Variants in DOCK2 observed in about 807,000 individuals in gnomAD.
The protein encoded by DOCK2 is dedicator of cytokinesis protein 2.
DOCK2 carries 87 observed loss-of-function variants against 248.9 expected under a neutral mutation model. That is an observed-to-expected ratio of 0.35 (90% CI 0.29 to 0.42). The LOEUF (loss-of-function observed/expected upper bound fraction) is 0.42, where lower values mean the gene tolerates loss of function less well. Ranked by LOEUF, DOCK2 falls within the 10% of genes least tolerant of loss-of-function variation. The pLI, the probability that DOCK2 is intolerant of heterozygous loss-of-function variation, is 1.00. For synonymous variants in DOCK2, 805 were observed against 821.6 expected, an observed-to-expected ratio of 0.98 and a Z score of 0.35; for missense variants, 1,747 against 2,300.2, an observed-to-expected ratio of 0.76 and a Z score of 4.92.
At chr5:169,781,172 T>C (rs2113802844) in intron 25 of DOCK2, among the ~76,000 whole-genome samples, 1 of 152,280 alleles carries the variant, frequency 6.6e-6, no homozygotes, top group South Asian at 2.1e-4. Flanking sequence ...GATGCACATG[T>C]CTTTGGAATG....
At chr5:169,931,391 G>C (rs138988040) in intron 27 of DOCK2, among the ~76,000 whole-genome samples, 1 of 152,278 alleles carries the variant, frequency 6.6e-6, no homozygotes, top group East Asian at 1.9e-4. Context: ...CCGCCTCTCG[G>C]CAATTGAACA....
chr5:169,983,008 A>C, intron 27 of DOCK2, 60 bp from the exon 28 acceptor site: 1 of 1,550,038 alleles, frequency 6.5e-7, no homozygotes, highest in South Asian at 1.1e-5. Flanking sequence ...ATTTTCTCAC[A>C]GGGAAGTTTT....
intron 26 of DOCK2, among the ~76,000 whole-genome samples, chr5:169,807,668 T>TA (rs1365180627): frequency 4.0e-5 from 6 of 151,196 alleles, no homozygotes; most frequent in Non-Finnish European, 8.9e-5. Context: ...CCGTCTCTAC[T>TA]AAAAAAATAC....
At position 169,747,495 on chromosome 5, in the gene DOCK2, C is replaced by A. The variant is rs1763676612; in HGVS notation, c.2367C>A (p.Ile789=). The change falls in exon 23 of 52, where the codon ATC becomes ATA. Residue 789 remains isoleucine, a synonymous_variant. Transcript: ENST00000520908. The stretch of plus-strand genomic sequence containing the variant: ...TGAAAAGTCAATACAAAACTACCAT[C>A]CTTTTGCAGGTTGGTTTATGCTACA... ...NLMKSQYKTT[I]LLQVAALKYI... is the part of the protein sequence containing the mutation. 3 of 1,612,784 alleles carry A rather than the reference C, an allele frequency of 1.9e-6. No homozygotes were observed. Among genetic ancestry groups the A allele is most frequent in the Non-Finnish European group, 2.5e-6 (3 of 1,179,490 alleles).
At chr5:169,898,461 A>G (rs1194125518) in intron 27 of DOCK2, among the ~76,000 whole-genome samples, 1 of 152,098 alleles carries the variant, frequency 6.6e-6, no homozygotes, top group Non-Finnish European at 1.5e-5. Flanking sequence ...CAACTCTTTG[A>G]GCCTCAGTTT....
At chr5:169,883,730 G>C in intron 27 of DOCK2, 1 of 1,551,582 alleles carries the variant, frequency 6.4e-7, no homozygotes, top group Non-Finnish European at 8.7e-7. Context: ...TCTGGAGTTT[G>C]GACGTCAACC....
chr5:169,637,296 C>G lies in DOCK2; in HGVS notation c.-31C>G. The G allele has an allele frequency of 2.8e-6, 4 of 1,432,280 alleles. No homozygotes were observed. Among genetic ancestry groups the G allele is most frequent in the Non-Finnish European group, 3.6e-6 (4 of 1,096,994 alleles). The allele number at this position is 1,432,280 out of a possible 1,614,324, so 88.7% of individuals were successfully genotyped here. A position where few individuals can be genotyped will look rare whatever the true frequency, so the allele number is the denominator to read the frequency against. ...GCCCAGCCACCCCCTGACGGCTTCC[C>G]CACGGGAGGACGCGAGGCCCCGGCC... On this transcript the variant is annotated 5_prime_UTR_variant, in exon 1 of 52. Coordinates refer to ENST00000520908, the MANE Select transcript of DOCK2 (RefSeq NM_004946.3).
chr5:170,029,791 A>G (rs1049405355), intron 34 of DOCK2, among the ~76,000 whole-genome samples: 2 of 152,216 alleles, frequency 1.3e-5, no homozygotes, highest in African/African-American at 4.8e-5. Flanking sequence ...AATGTTTTAA[A>G]TTCAATAAGA....
intron 44 of DOCK2, among the ~76,000 whole-genome samples, chr5:170,064,122 A>T (rs1344554816): frequency 6.6e-6 from 1 of 152,162 alleles, no homozygotes; most frequent in Non-Finnish European, 1.5e-5. Context: ...CTAACATTTC[A>T]CACTGGATGG....
chr5:169,956,893 T>C (rs1581469895), intron 27 of DOCK2, among the ~76,000 whole-genome samples: 1 of 152,178 alleles, frequency 6.6e-6, no homozygotes, highest in Non-Finnish European at 1.5e-5. Flanking sequence ...TGTTTCTGTA[T>C]TGGCCAACAT....
chr5:169,994,749 G>T (rs1229602195), intron 29 of DOCK2, among the ~76,000 whole-genome samples: 1 of 152,124 alleles, frequency 6.6e-6, no homozygotes, highest in Non-Finnish European at 1.5e-5. Context: ...AAGAAGGTTG[G>T]GGTCCCATCA....
chr5:169,789,954 T>G (rs1766225458), intron 25 of DOCK2, among the ~76,000 whole-genome samples: 1 of 152,206 alleles, frequency 6.6e-6, no homozygotes. Flanking sequence ...ATAGTATACT[T>G]CTTGGTTTTC....
intron 27 of DOCK2, among the ~76,000 whole-genome samples, chr5:169,916,866 TAGTA>T (rs1358170415): frequency 6.6e-6 from 1 of 152,170 alleles, no homozygotes; most frequent in Non-Finnish European, 1.5e-5. Context: ...GTCACATAGC[TAGTA>T]AGTAATGGGG....
At chr5:169,701,484 G>A (rs1760965419) in intron 13 of DOCK2, among the ~76,000 whole-genome samples, 1 of 151,702 alleles carries the variant, frequency 6.6e-6, no homozygotes, top group Admixed American at 6.6e-5. Flanking sequence ...GTAACCCCTT[G>A]TAGGATTTTC....
At chr5:169,989,002 AACTT>A (rs1288216639) in intron 29 of DOCK2, among the ~76,000 whole-genome samples, 11 of 152,320 alleles carry the variant, frequency 7.2e-5, no homozygotes, top group African/African-American at 2.6e-4. Flanking sequence ...CATTCCAACT[AACTT>A]TTCTTCCTTC....
chr5:170,040,641 A>T (rs1306321944), intron 36 of DOCK2: 1 of 204,500 alleles, frequency 4.9e-6, no homozygotes, highest in East Asian at 1.3e-4. Context: ...TTATTAGCAC[A>T]GAACTCCTGA....
In DOCK2 at chr5:169,879,625, G is replaced by A. The variant is rs1772523829; in HGVS notation, c.2799+38773G>A. Among the ~76,000 whole-genome samples, 5 of 152,204 alleles carry A rather than the reference G, an allele frequency of 3.3e-5. 1 individual carries two copies. The South Asian group carries it at 1.0e-3, about 32-fold the overall frequency. On this transcript the variant is annotated intron_variant, in intron 27 of 51. Transcript: ENST00000520908. ...AACTTAATTTAGAATGTTTGCTGGA[G>A]ATGTTTGAATTAAGTGCTAGAAAAA...
chr5:170,041,798 G>A (rs924596073), intron 37 of DOCK2, among the ~76,000 whole-genome samples: 1 of 152,204 alleles, frequency 6.6e-6, no homozygotes, highest in African/African-American at 2.4e-5. Flanking sequence ...TGCCTGGAGG[G>A]CAACCTCCAA....
chr5:169,657,662 C>T (rs1758199137), intron 2 of DOCK2, among the ~76,000 whole-genome samples: 1 of 152,228 alleles, frequency 6.6e-6, no homozygotes, highest in African/African-American at 2.4e-5. Context: ...GATTTGGTGG[C>T]ATCAGAAGAC....
Sources: gnomAD v4.1 joint callset for allele counts (sites outside exome capture counted in the v4.1 genomes callset) on GRCh38, gnomAD v4.1.1 for gene constraint, MANE v1.5 for transcripts, NCBI Gene and HGNC (gene_info 2026-07-23, HGNC 2026-07-21) for gene names.